The following PRELID2 variants were observed in gnomAD, a reference collection of about 807,000 sequenced individuals.
The protein encoded by PRELID2 is PRELI domain-containing protein 2.
A neutral mutation model predicts 28.4 loss-of-function variants in PRELID2; 25 were observed. The ratio of observed to expected loss-of-function variants is 0.88; its 90% confidence interval spans 0.64 to 1.23. The LOEUF (loss-of-function observed/expected upper bound fraction) is 1.23. Ranked by LOEUF, PRELID2 falls within the 50% of genes most tolerant of loss-of-function variation. The pLI is 0.00. For synonymous variants in PRELID2, 76 were observed against 71.6 expected (o/e 1.06, Z -0.31); for missense variants, 201 against 214.4 (o/e 0.94, Z 0.39).
At chr5:145,728,640 T>C (rs2149724165) in intron 1 of PRELID2, 1 of 1,317,548 alleles carries the variant, frequency 7.6e-7, no homozygotes, top group Non-Finnish European at 1.1e-6. Flanking sequence ...ATAACGAACA[T>C]AACCAATATT....
chr5:145,341,421 T>C, the PRELID2 span, among the ~76,000 whole-genome samples: 1 of 152,102 alleles, frequency 6.6e-6, no homozygotes. Flanking sequence ...TTTTCTGTAA[T>C]ATCAGCTACT....
chr5:145,358,568 TTAACTC>T, the PRELID2 span, among the ~76,000 whole-genome samples: 1 of 152,014 alleles, frequency 6.6e-6, no homozygotes, highest in South Asian at 2.1e-4. Context: ...CTAGCCCACT[TTAACTC>T]TAGTCTCATG....
chr5:145,770,506 T>C (rs983510022), intron 5 of PRELID2, among the ~76,000 whole-genome samples: 3 of 152,018 alleles, frequency 2.0e-5, no homozygotes, highest in Admixed American at 2.0e-4. Context: ...ACCCTGTCTC[T>C]GAAAAAAAGG....
the PRELID2 span, among the ~76,000 whole-genome samples, chr5:145,291,010 G>A: frequency 2.0e-5 from 3 of 151,666 alleles, no homozygotes; most frequent in South Asian, 6.3e-4. Flanking sequence ...AATGGATTAG[G>A]GGAGGTTTTA....
At chr5:145,370,493 G>A in the PRELID2 span, among the ~76,000 whole-genome samples, 1 of 151,986 alleles carries the variant, frequency 6.6e-6, no homozygotes, top group African/African-American at 2.4e-5. Context: ...GTCTGCTTTG[G>A]TACCAGTACC....
Position 145,728,999 on chromosome 5 carries a change from C to T in PRELID2, n.70+35932G>A, listed in dbSNP as rs1376180044. 2.3e-5 allele frequency: 17 copies of T among 727,538 alleles called. No homozygotes were observed. In the East Asian group the frequency reaches 3.9e-4, roughly 17 times the overall value. 45.1% of individuals were successfully genotyped at this position (727,538 alleles called of 1,614,324 possible). On this transcript the variant is annotated intron_variant and non_coding_transcript_variant, in intron 1 of 2. Transcript: ENST00000510259. The stretch of plus-strand genomic sequence containing the variant: ...CAATCTGAGGATCAGAGGGGTCCCA[C>T]TCCCTCCTGGCCAAAGTAACATTGG...
the PRELID2 span, among the ~76,000 whole-genome samples, chr5:145,318,101 G>A: frequency 3.3e-5 from 5 of 152,108 alleles, no homozygotes; most frequent in African/African-American, 1.2e-4. Context: ...CAAATTTATA[G>A]TACATTTTAT....
intron 1 of PRELID2, among the ~76,000 whole-genome samples, chr5:145,547,591 T>TA (rs200089950): frequency 6.8e-5 from 10 of 148,144 alleles, no homozygotes; most frequent in South Asian, 2.1e-4. Flanking sequence ...TTGAACTAAC[T>TA]AAAAAAAAAA....
chr5:145,493,275 C>T (rs1752283216), intron 1 of PRELID2, among the ~76,000 whole-genome samples: 1 of 152,128 alleles, frequency 6.6e-6, no homozygotes, highest in Admixed American at 6.6e-5. Context: ...TGCCTATGTC[C>T]AGATGATCAT....
chr5:145,344,819 G>T, the PRELID2 span, among the ~76,000 whole-genome samples: 1 of 151,940 alleles, frequency 6.6e-6, no homozygotes, highest in Admixed American at 6.6e-5. Flanking sequence ...TATTTATTAA[G>T]CACTTATGTT....
At chr5:145,537,460 T>C (rs969233834) in intron 1 of PRELID2, among the ~76,000 whole-genome samples, 4 of 151,936 alleles carry the variant, frequency 2.6e-5, no homozygotes, top group African/African-American at 9.7e-5. Flanking sequence ...TTTCCCCTTT[T>C]ATCCACATCC....
the PRELID2 span, among the ~76,000 whole-genome samples, chr5:145,244,251 G>T: frequency 6.6e-6 from 1 of 151,966 alleles, no homozygotes; most frequent in African/African-American, 2.4e-5. Flanking sequence ...CACCACGGCT[G>T]GCCCCAACTT....
the PRELID2 span, among the ~76,000 whole-genome samples, chr5:145,243,709 T>C: frequency 6.7e-6 from 1 of 149,200 alleles, no homozygotes; most frequent in Non-Finnish European, 1.5e-5. Context: ...TTTCACTTGG[T>C]AATATACAAT....
At chr5:145,454,116 T>A in the PRELID2 span, among the ~76,000 whole-genome samples, 4 of 152,306 alleles carry the variant, frequency 2.6e-5, no homozygotes, top group Admixed American at 1.3e-4. Flanking sequence ...CCACATCCTC[T>A]CCAGCATCTT....
chr5:145,467,888 CTTTG>C (rs1177403878), downstream of PRELID2, among the ~76,000 whole-genome samples: 2 of 150,586 alleles, frequency 1.3e-5, no homozygotes, highest in Admixed American at 1.3e-4. Flanking sequence ...AATTTATTTA[CTTTG>C]TTTCATTTTG....
the PRELID2 span, among the ~76,000 whole-genome samples, chr5:145,290,538 G>C: frequency 6.7e-6 from 1 of 148,570 alleles, no homozygotes; most frequent in Non-Finnish European, 1.5e-5. Flanking sequence ...CTCATAGGTG[G>C]GAATTGAACA....
chr5:145,572,678 T>C (rs1753024560), intron 1 of PRELID2, among the ~76,000 whole-genome samples: 1 of 152,200 alleles, frequency 6.6e-6, no homozygotes. Flanking sequence ...AAATAAATTA[T>C]GTCTCTCCCA....
At chr5:145,316,485 C>T in the PRELID2 span, among the ~76,000 whole-genome samples, 10 of 152,272 alleles carry the variant, frequency 6.6e-5, no homozygotes, top group East Asian at 1.9e-4. Flanking sequence ...TCATACACCA[C>T]GCAGCTAAAA....
intron 1 of PRELID2, among the ~76,000 whole-genome samples, chr5:145,579,440 G>A (rs1288101144): frequency 6.6e-6 from 1 of 152,024 alleles, no homozygotes; most frequent in Admixed American, 6.6e-5. Flanking sequence ...TATTGCCCTT[G>A]GGCAGAGCAA....
Sources: gnomAD v4.1 joint callset for allele counts (sites outside exome capture counted in the v4.1 genomes callset) on GRCh38, gnomAD v4.1.1 for gene constraint, MANE v1.5 for transcripts, NCBI Gene and HGNC (gene_info 2026-07-23, HGNC 2026-07-21) for gene names.